Variants in RNF122 observed in about 807,000 individuals in gnomAD.
The protein encoded by RNF122 is ring finger protein 122.
RNF122 carries 17 observed loss-of-function variants against 24.2 expected under a neutral mutation model. The observed-to-expected ratio is 0.70, with a 90% confidence interval of 0.48 to 1.06. The LOEUF is 1.06. Ranked by LOEUF, RNF122 falls within the 50% of genes least tolerant of loss-of-function variation. The probability of loss-of-function intolerance (pLI) is 0.00; values close to 1 mark genes in which losing one functional copy is unlikely to be tolerated. For synonymous variants in RNF122, 65 were observed against 71.8 expected (o/e 0.91, Z 0.48); for missense variants, 168 against 198.1 (o/e 0.85, Z 0.91).
chr8:33,558,395 G>A (rs1481597875), intron 2 of RNF122, among the ~76,000 whole-genome samples: 1 of 152,148 alleles, frequency 6.6e-6, no homozygotes, highest in Admixed American at 6.6e-5. Flanking sequence ...CCAACCCGTG[G>A]TGACCTTATA....
At chr8:33,565,224 C>T (rs1291316833) in intron 1 of RNF122, among the ~76,000 whole-genome samples, 2 of 152,270 alleles carry the variant, frequency 1.3e-5, no homozygotes, top group African/African-American at 2.4e-5. Context: ...CTATCACACA[C>T]GGCTTGGTTC....
intron 1 of RNF122, among the ~76,000 whole-genome samples, chr8:33,560,016 A>T (rs1179674065): frequency 1.3e-5 from 2 of 151,664 alleles, no homozygotes; most frequent in African/African-American, 4.8e-5. Flanking sequence ...TAATTTTTGA[A>T]TTTTTAGTAG....
intron 2 of RNF122, among the ~76,000 whole-genome samples, chr8:33,554,890 G>A (rs772249597): frequency 9.2e-5 from 14 of 152,218 alleles, no homozygotes; most frequent in Non-Finnish European, 2.1e-4. Context: ...GGCTGGCCTT[G>A]GCCGCTGAGC....
At chr8:33,566,617 G>A (rs995962774) in intron 1 of RNF122, 82 bp downstream of exon 1, 11 of 1,416,008 alleles carry the variant, frequency 7.8e-6, no homozygotes, top group Non-Finnish European at 9.8e-6. Flanking sequence ...GGGAGGACCA[G>A]CGCGCTGCTG....
At chr8:33,555,711 C>A (rs1405331904) in intron 2 of RNF122, among the ~76,000 whole-genome samples, 1 of 152,216 alleles carries the variant, frequency 6.6e-6, no homozygotes, top group Admixed American at 6.5e-5. Context: ...ACTTGTCCAC[C>A]TCTGTATCTT....
intron 4 of RNF122, 33 bp from the exon 5 acceptor site, chr8:33,549,525 C>A (rs750263776): frequency 6.6e-7 from 1 of 1,525,354 alleles, no homozygotes; most frequent in South Asian, 1.1e-5. Context: ...GTGTGAGGAA[C>A]TGGGGAACCA....
intron 4 of RNF122, among the ~76,000 whole-genome samples, chr8:33,550,117 T>C (rs1810350156): frequency 6.6e-6 from 1 of 151,962 alleles, no homozygotes; most frequent in East Asian, 1.9e-4. Flanking sequence ...ATTTTTTGTA[T>C]AGATGGGGTT....
chr8:33,561,924 C>A (rs1170726498), intron 1 of RNF122, among the ~76,000 whole-genome samples: 1 of 152,096 alleles, frequency 6.6e-6, no homozygotes, highest in African/African-American at 2.4e-5. Context: ...CACCCTGTCC[C>A]TTCACAACTT....
chr8:33,558,711 C>G lies in RNF122; in HGVS notation c.86G>C (p.Ser29Thr). 1 of 1,611,666 alleles carries G rather than the reference C, an allele frequency of 6.2e-7. No individual in the cohort carries two copies. Among genetic ancestry groups the G allele is most frequent in the East Asian group, 2.2e-5 (1 of 44,862 alleles). ...GATGTTGAGCGGAAGGTCCTGGAAA[C>G]TGATGGGTGGCATCGAGCAGGACTT... The part of the protein sequence containing the change: ...TNKSCSMPPI[S>T]FQDLPLNIYM... The change falls in exon 2 of 6, where the codon AGT (serine) becomes ACT (threonine). Residue 29 changes from serine (S) to threonine (T), a missense_variant. By Grantham distance (58) the Ser-to-Thr change is moderately conservative. Transcript: ENST00000256257.
At chr8:33,563,077 TGCCCCAGC>T (rs1810564990) in intron 1 of RNF122, among the ~76,000 whole-genome samples, 1 of 147,382 alleles carries the variant, frequency 6.8e-6, no homozygotes, top group Non-Finnish European at 1.5e-5. Context: ...GGCGCCACTG[TGCCCCAGC>T]CTGGGCGACA....
rs1346022708 is a variant in RNF122 at position 33,548,399 on chromosome 8, T to C, written c.*354A>G. ...ATCCCTTCTGGGTCAAGGCAGCTCATCCTCCTAATGGGAGCCTTGAAAGAG... is the reference window on the plus strand; with the variant it reads ...ATCCCTTCTGGGTCAAGGCAGCTCACCCTCCTAATGGGAGCCTTGAAAGAG... On this transcript the variant is annotated 3_prime_UTR_variant, in exon 6 of 6. Coordinates refer to ENST00000256257, the MANE Select transcript of RNF122 (RefSeq NM_024787.3). 1 of 179,878 alleles carries C rather than the reference T, an allele frequency of 5.6e-6. No individual in the cohort carries two copies. The highest frequency in any genetic ancestry group is 2.3e-5 in the African/African-American group (1 of 42,892). The allele number at this position is 179,878 out of a possible 1,614,324, so 11.1% of individuals were successfully genotyped here.
chr8:33,567,028 T>G lies in RNF122; in HGVS notation c.-305A>C, dbSNP rs3735952. On this transcript the variant is annotated 5_prime_UTR_variant, in exon 1 of 6. Coordinates refer to ENST00000256257, the MANE Select transcript of RNF122 (RefSeq NM_024787.3). ...CGCCGCGGGGCGGGGGTGCCCGGGCTGCAGAAGCCCTCGGCCGGGGGAGGA... is the reference window on the plus strand; with the variant it reads ...CGCCGCGGGGCGGGGGTGCCCGGGCGGCAGAAGCCCTCGGCCGGGGGAGGA... 239,249 of 446,008 alleles carry G rather than the reference T, an allele frequency of 0.54. 66,969 individuals are homozygous for G. Among genetic ancestry groups the G allele is most frequent in the African/African-American group, 0.8 (37,672 of 46,880 alleles). The allele number at this position is 446,008 out of a possible 1,614,324, so 27.6% of individuals were successfully genotyped here.
In RNF122 at chr8:33,548,501, A is replaced by C; in HGVS notation, c.*252T>G. 1 of 411,448 alleles carries C rather than the reference A, an allele frequency of 2.4e-6. No homozygotes were observed. Among genetic ancestry groups the C allele is most frequent in the South Asian group, 4.4e-5 (1 of 22,958 alleles). The allele number at this position is 411,448 out of a possible 1,614,324, so 25.5% of individuals were successfully genotyped here. ...CAAGGCAGGTAGATAGTCCAGTACC[A>C]GGAGACAGTGGTCTTGATGGGTGAG... is the stretch of plus-strand genomic sequence containing the variant. On this transcript the variant is annotated 3_prime_UTR_variant, in exon 6 of 6. Transcript: ENST00000256257.
rs1810635714 is a variant in RNF122 at position 33,566,920 on chromosome 8, C to G, written c.-197G>C. 1.6e-6 allele frequency: 1 copy of G among 627,068 alleles called. No homozygotes were observed. Among genetic ancestry groups the G allele is most frequent in the Non-Finnish European group, 2.9e-6 (1 of 350,774 alleles). 38.8% of individuals were successfully genotyped at this position (627,068 alleles called of 1,614,324 possible). A position where few individuals can be genotyped will look rare whatever the true frequency, so the allele number is the denominator to read the frequency against. ...TGGTGTTCAGCCCAACAAAGAGGGA[C>G]GAGGAGGAAACAAACAAAGTCCCGC... On this transcript the variant is annotated 5_prime_UTR_variant, in exon 1 of 6. Coordinates refer to ENST00000256257, the MANE Select transcript of RNF122 (RefSeq NM_024787.3).
chr8:33,554,076 A>C (rs554248945), intron 2 of RNF122, among the ~76,000 whole-genome samples: 1 of 152,312 alleles, frequency 6.6e-6, no homozygotes, highest in Non-Finnish European at 1.5e-5. Flanking sequence ...TCTCTGTTCC[A>C]ATTTCCAAAT....
chr8:33,556,179 CA>C (rs538829399), intron 2 of RNF122, among the ~76,000 whole-genome samples: 260 of 33,994 alleles, frequency 7.6e-3, no homozygotes, highest in South Asian at 0.021. Context: ...GACCCTGTCT[CA>C]AAAAAAAAAA....
intron 2 of RNF122, among the ~76,000 whole-genome samples, chr8:33,552,176 G>A (rs1585356807): frequency 6.6e-6 from 1 of 152,228 alleles, no homozygotes; most frequent in East Asian, 1.9e-4. Context: ...TTGGGAGGCC[G>A]AGGCAGGTGG....
At chr8:33,557,436 CCT>C in intron 2 of RNF122, among the ~76,000 whole-genome samples, 1 of 152,188 alleles carries the variant, frequency 6.6e-6, no homozygotes, top group East Asian at 1.9e-4. Flanking sequence ...TCGAGACCTG[CCT>C]GGCCAATGTG....
At chr8:33,554,292 G>A (rs777362253) in intron 2 of RNF122, among the ~76,000 whole-genome samples, 1 of 152,336 alleles carries the variant, frequency 6.6e-6, no homozygotes, top group East Asian at 1.9e-4. Flanking sequence ...TCTGGGGAAT[G>A]AGTGATTGCT....
Sources: gnomAD v4.1 joint callset for allele counts (sites outside exome capture counted in the v4.1 genomes callset) on GRCh38, gnomAD v4.1.1 for gene constraint, MANE v1.5 for transcripts, NCBI Gene and HGNC (gene_info 2026-07-23, HGNC 2026-07-21) for gene names.